The following ZC3H12B variants were observed in gnomAD, a reference collection of about 807,000 sequenced individuals.
The protein encoded by ZC3H12B is zinc finger CCCH-type containing 12B, also known as probable ribonuclease ZC3H12B.
Under a neutral mutation model 43.9 loss-of-function variants are expected in ZC3H12B, and 7 were observed. That is an observed-to-expected ratio of 0.16 (90% CI 0.09 to 0.30). The LOEUF (loss-of-function observed/expected upper bound fraction) is 0.30, where lower values mean the gene tolerates loss of function less well. Among genes scored for constraint, ZC3H12B ranks in the 10% least tolerant of loss-of-function variants. ZC3H12B has a pLI of 1.00. For synonymous variants in ZC3H12B, 222 were observed against 241.7 expected (o/e 0.92, Z 0.76); for missense variants, 475 against 670.2 (o/e 0.71, Z 3.22).
At chrX:65,057,250 C>T in the ZC3H12B span, among the ~76,000 whole-genome samples, 2 of 111,688 alleles carry the variant, frequency 1.8e-5, no homozygotes, top group African/African-American at 6.5e-5. Context: ...TTTAGTGCTT[C>T]CTTCAGGAGC....
At chrX:65,082,529 C>T in the ZC3H12B span, among the ~76,000 whole-genome samples, 125 of 111,090 alleles carry the variant, frequency 1.1e-3, no homozygotes, top group African/African-American at 3.9e-3. Context: ...TGGACAGTTT[C>T]CTAGACACAT....
At chrX:65,069,639 T>C in the ZC3H12B span, among the ~76,000 whole-genome samples, 10 of 111,877 alleles carry the variant, frequency 8.9e-5, no homozygotes, top group Admixed American at 1.9e-4. Context: ...TCCTACTTTA[T>C]TGAGAGTTTT....
At chrX:65,160,266 G>C in the ZC3H12B span, among the ~76,000 whole-genome samples, 1 of 111,976 alleles carries the variant, frequency 8.9e-6, no homozygotes, top group East Asian at 2.8e-4. Flanking sequence ...TCAGGATGAT[G>C]CTGGCCTCAT....
At chrX:65,454,168 G>T (rs1231309261) in intron 3 of ZC3H12B, among the ~76,000 whole-genome samples, 4 of 112,805 alleles carry the variant, frequency 3.5e-5, no homozygotes, top group Non-Finnish European at 7.5e-5. Context: ...AGTGCACCAA[G>T]CCTGAGCTGA....
At chrX:65,154,819 G>A in the ZC3H12B span, among the ~76,000 whole-genome samples, 6 of 111,452 alleles carry the variant, frequency 5.4e-5, no homozygotes, top group African/African-American at 2.0e-4. Context: ...CTCCATCCTG[G>A]GCAACAGAGC....
At chrX:65,302,241 T>A in the ZC3H12B span, among the ~76,000 whole-genome samples, 1 of 111,425 alleles carries the variant, frequency 9.0e-6, no homozygotes, top group Non-Finnish European at 1.9e-5. Flanking sequence ...TTTTTTTTTT[T>A]ACAGGTGGCA....
the ZC3H12B span, among the ~76,000 whole-genome samples, chrX:65,232,074 C>A: frequency 2.3e-5 from 2 of 87,578 alleles, no homozygotes; most frequent in African/African-American, 1.7e-4. Flanking sequence ...TCTCTACTAA[C>A]AATACAAAAA....
chrX:65,465,194 G>A (rs762440201), intron 3 of ZC3H12B, among the ~76,000 whole-genome samples: 7 of 110,961 alleles, frequency 6.3e-5, no homozygotes, highest in African/African-American at 2.3e-4. Flanking sequence ...TATTGAAAGA[G>A]AGTATTAAAG....
chrX:65,456,045 G>C (rs904382474), intron 3 of ZC3H12B, among the ~76,000 whole-genome samples: 2 of 111,566 alleles, frequency 1.8e-5, no homozygotes, highest in African/African-American at 6.5e-5. Context: ...AAAGACCATC[G>C]AGGCTAGGAA....
chrX:65,270,033 C>A, the ZC3H12B span, among the ~76,000 whole-genome samples: 1 of 111,195 alleles, frequency 9.0e-6, no homozygotes, highest in Non-Finnish European at 1.9e-5. Context: ...GAACAAAATT[C>A]TAAAATTTGC....
the ZC3H12B span, among the ~76,000 whole-genome samples, chrX:65,266,132 G>C: frequency 1.8e-5 from 2 of 111,665 alleles, no homozygotes; most frequent in Non-Finnish European, 3.8e-5. Context: ...TTGAGTGTTT[G>C]GTCAAATAAA....
the ZC3H12B span, among the ~76,000 whole-genome samples, chrX:65,286,505 G>A: frequency 9.0e-6 from 1 of 110,589 alleles, no homozygotes; most frequent in East Asian, 2.8e-4. Context: ...AAATATCAGT[G>A]ATGCACAATT....
intron 3 of ZC3H12B, among the ~76,000 whole-genome samples, chrX:65,477,526 C>A (rs997274711): frequency 9.0e-5 from 10 of 111,523 alleles, no homozygotes; most frequent in Non-Finnish European, 3.8e-5. Flanking sequence ...AGGCCGGGCA[C>A]GGTGGCTCAC....
the ZC3H12B span, among the ~76,000 whole-genome samples, chrX:65,036,610 A>G: frequency 9.0e-6 from 1 of 111,267 alleles, no homozygotes; most frequent in Non-Finnish European, 1.9e-5. Flanking sequence ...AAAGCACAAT[A>G]TAATTCTAGT....
At chrX:65,167,936 C>T in the ZC3H12B span, among the ~76,000 whole-genome samples, 5 of 111,944 alleles carry the variant, frequency 4.5e-5, no homozygotes, top group African/African-American at 1.6e-4. Context: ...AGATTTTGGG[C>T]TCAGATGATG....
At chrX:65,319,044 G>C in the ZC3H12B span, among the ~76,000 whole-genome samples, 1 of 111,101 alleles carries the variant, frequency 9.0e-6, no homozygotes, top group Non-Finnish European at 1.9e-5. Context: ...ACATACCCCA[G>C]AGCTAGCAGA....
At chrX:65,443,805 T>G (rs1311514798) in intron 3 of ZC3H12B, among the ~76,000 whole-genome samples, 1 of 112,705 alleles carries the variant, frequency 8.9e-6, no homozygotes, top group Admixed American at 9.3e-5. Flanking sequence ...ATGGCCAGTT[T>G]TGGGGCCAGT....
exon 2 of ZC3H12B, chrX:65,497,169 C>A (rs2068299897): frequency 1.7e-6 from 2 of 1,206,845 alleles, no homozygotes; most frequent in African/African-American, 1.8e-5. Context: ...CAGAGGAATA[C>A]AACTTGCTGT....
At chrX:65,482,762 C>T (rs762214176) in intron 3 of ZC3H12B, among the ~76,000 whole-genome samples, 1 of 111,790 alleles carries the variant, frequency 8.9e-6, no homozygotes, top group African/African-American at 3.2e-5. Context: ...TGGAGACATA[C>T]GTCCTTTCTA....
Sources: allele counts gnomAD v4.1 joint callset (sites outside exome capture counted in the v4.1 genomes callset), GRCh38; gene constraint gnomAD v4.1.1; transcripts MANE v1.5; gene names NCBI Gene and HGNC (gene_info 2026-07-23, HGNC 2026-07-21).